PTER: variants seen among roughly 807,000 people sequenced by gnomAD.
PTER encodes the protein N-acetyltaurine hydrolase.
A neutral mutation model predicts 29.6 loss-of-function variants in PTER; 38 were observed. The ratio of observed to expected loss-of-function variants is 1.28; its 90% CI spans 0.99 to 1.68. PTER has a LOEUF of 1.68. Ranked by LOEUF, PTER falls within the 40% of genes most tolerant of loss-of-function variation. The pLI is 0.00. For synonymous variants in PTER, 172 were observed against 154.5 expected, an observed-to-expected ratio of 1.11 and a Z score of -0.84; for missense variants, 482 against 427.8, an observed-to-expected ratio of 1.13 and a Z score of -1.12.
At position 16,484,768 on chromosome 10, in the gene PTER, T is replaced by A; in HGVS notation, c.384T>A (p.Tyr128Ter). Residue 128 changes from tyrosine to a stop codon, truncating the protein, a stop_gained, in exon 2 of 5, where the codon TAT becomes TAA. Transcript: ENST00000535784. LOFTEE classifies it high-confidence loss of function. ...GVHIISGAGF[Y>*]VDATHSSETR... ...ATATCATATCTGGAGCCGGGTTTTA[T>A]GTGGATGCAACTCACTCCTCAGAGA... 1.2e-6 allele frequency: 2 copies of A among 1,613,626 alleles called. No homozygotes were observed. Among genetic ancestry groups the A allele is most frequent in the African/African-American group, 2.7e-5 (2 of 74,982 alleles).
intron 1 of PTER, among the ~76,000 whole-genome samples, chr10:16,482,864 C>A (rs1835530943): frequency 6.6e-6 from 1 of 152,116 alleles, no homozygotes; most frequent in South Asian, 2.1e-4. Flanking sequence ...TCACTGCAAC[C>A]TCCGCCTCCT....
At chr10:16,464,457 C>G (rs1834735097) in intron 1 of PTER, among the ~76,000 whole-genome samples, 1 of 152,118 alleles carries the variant, frequency 6.6e-6, no homozygotes, top group African/African-American at 2.4e-5. Flanking sequence ...GGGGGGAAAA[C>G]AGTATTTATT....
At chr10:16,514,148 C>T (rs533294249), downstream of PTER, 12 of 398,654 alleles carry the variant, frequency 3.0e-5, no homozygotes, top group Non-Finnish European at 4.9e-5. Flanking sequence ...GGTAAACTCA[C>T]AAGAACCAAA....
intron 1 of PTER, among the ~76,000 whole-genome samples, chr10:16,469,565 A>C (rs894994384): frequency 2.6e-5 from 4 of 152,120 alleles, no homozygotes; most frequent in Non-Finnish European, 5.9e-5. Context: ...TTAGAAACTG[A>C]GTGGGTGTGG....
chr10:16,517,724 A>G (rs1304393725), downstream of PTER, among the ~76,000 whole-genome samples: 1 of 152,196 alleles, frequency 6.6e-6, no homozygotes, highest in Non-Finnish European at 1.5e-5. Context: ...AATAGGTTTC[A>G]TAGTTTTAGC....
chr10:16,488,607 A>ATG (rs1192928419), intron 3 of PTER, among the ~76,000 whole-genome samples: 124 of 147,216 alleles, frequency 8.4e-4, no homozygotes, highest in Non-Finnish European at 1.5e-3. Context: ...ATATATGGAG[A>ATG]GAGAGAGAGA....
intron 1 of PTER, among the ~76,000 whole-genome samples, chr10:16,464,993 A>G (rs980398353): frequency 1.3e-5 from 2 of 152,134 alleles, no homozygotes; most frequent in African/African-American, 4.8e-5. Flanking sequence ...TTATAAAACC[A>G]TCAGATCTCG....
Position 16,486,625 on chromosome 10 carries a change from G to A in PTER, c.698+8G>A. 1 of 1,599,652 alleles carries A rather than the reference G, an allele frequency of 6.3e-7. No individual in the cohort carries two copies. The highest frequency in any genetic ancestry group is 1.7e-4 in the Middle Eastern group (1 of 5,968). On this transcript the variant is annotated splice_region_variant and intron_variant, in intron 3 of 4. Coordinates refer to ENST00000535784, the MANE Select transcript of PTER (RefSeq NM_001261836.2). ...CATGTCACACCTGGATAGGTAAGTA[G>A]GCTGTCTTACAAATGGATGCAAACT...
chr10:16,439,669 A>T (rs1372434380), intron 1 of PTER, among the ~76,000 whole-genome samples: 3 of 152,180 alleles, frequency 2.0e-5, no homozygotes, highest in Admixed American at 6.5e-5. Flanking sequence ...TACATACAGG[A>T]CCCATTCATA....
intron 1 of PTER, among the ~76,000 whole-genome samples, chr10:16,483,388 T>C (rs113417906): frequency 0.013 from 1,936 of 152,338 alleles, 42 homozygotes; most frequent in African/African-American, 0.044. Context: ...TGTTGTTATT[T>C]CATTATTCAA....
chr10:16,445,932 A>T (rs1029725159), intron 1 of PTER, among the ~76,000 whole-genome samples: 1 of 152,084 alleles, frequency 6.6e-6, no homozygotes, highest in African/African-American at 2.4e-5. Flanking sequence ...TCTCGCTCAC[A>T]TTTCTGCATA....
intron 1 of PTER, among the ~76,000 whole-genome samples, chr10:16,477,188 G>A (rs1835300653): frequency 6.6e-6 from 1 of 152,054 alleles, no homozygotes; most frequent in Non-Finnish European, 1.5e-5. Context: ...ACAGGCATGT[G>A]CCACCATGCT....
intron 1 of PTER, among the ~76,000 whole-genome samples, chr10:16,478,677 G>GTTGGCC (rs1451781615): frequency 2.0e-5 from 3 of 151,948 alleles, no homozygotes; most frequent in Non-Finnish European, 4.4e-5. Flanking sequence ...CCACTAAACA[G>GTTGGCC]AGAAATTTGG....
chr10:16,489,858 C>T (rs765480905), intron 3 of PTER, among the ~76,000 whole-genome samples: 13 of 152,228 alleles, frequency 8.5e-5, no homozygotes, highest in Admixed American at 3.3e-4. Context: ...GACTTAGACC[C>T]ACACAGGTGC....
rs147528527 is a variant in PTER at position 16,510,069 on chromosome 10, G to T, written c.840-977G>T. ...CTCTGGAGGAAGGCACTGTCCGTCC[G>T]TCTAGATCCACTTTAGAATCTAGAC... On this transcript the variant is annotated intron_variant, in intron 4 of 4. Coordinates refer to ENST00000535784, the MANE Select transcript of PTER (RefSeq NM_001261836.2). 2.6e-5 allele frequency among the ~76,000 whole-genome samples: 4 copies of T among 152,110 alleles called. No homozygotes were observed. The East Asian group carries it at 7.7e-4, about 29-fold the overall frequency.
chr10:16,497,651 C>A (rs937074996), intron 3 of PTER, among the ~76,000 whole-genome samples: 2 of 152,212 alleles, frequency 1.3e-5, no homozygotes, highest in East Asian at 1.9e-4. Flanking sequence ...ATCCTACCCA[C>A]GGATCAAATT....
intron 3 of PTER, among the ~76,000 whole-genome samples, chr10:16,501,371 G>GCA (rs377037547): frequency 0.08 from 2,879 of 36,198 alleles, 38 homozygotes; most frequent in Admixed American, 0.1. Flanking sequence ...ACACACACAT[G>GCA]CACACACACA....
chr10:16,485,050 G>A (rs1216340781), intron 2 of PTER, among the ~76,000 whole-genome samples: 1 of 152,192 alleles, frequency 6.6e-6, no homozygotes, highest in East Asian at 1.9e-4. Flanking sequence ...AAGTGTCAAG[G>A]AAAGAGATCT....
chr10:16,509,644 C>G (rs1836733185), intron 4 of PTER, among the ~76,000 whole-genome samples: 1 of 152,102 alleles, frequency 6.6e-6, no homozygotes, highest in Admixed American at 6.5e-5. Flanking sequence ...TCTGTCAAAT[C>G]TTTGTCTTTT....
Sources: allele counts gnomAD v4.1 joint callset (sites outside exome capture counted in the v4.1 genomes callset), GRCh38; gene constraint gnomAD v4.1.1; transcripts MANE v1.5; gene names NCBI Gene and HGNC (gene_info 2026-07-23, HGNC 2026-07-21).